OR9Q1: variants seen among roughly 807,000 people sequenced by gnomAD.
OR9Q1 encodes the protein olfactory receptor family 9 subfamily Q member 1.
For synonymous variants in OR9Q1, 153 were observed against 148.6 expected (o/e 1.03, Z -0.22); for missense variants, 374 against 378.8 (o/e 0.99, Z 0.11).
chr11:58,174,748 G>A (rs1178518095), intron 2 of OR9Q1, among the ~76,000 whole-genome samples: 1 of 150,798 alleles, frequency 6.6e-6, no homozygotes, highest in Non-Finnish European at 1.5e-5. Flanking sequence ...GTATCTTAAA[G>A]GATATCTTCA....
chr11:58,151,247 A>G (rs1194342499), intron 2 of OR9Q1, among the ~76,000 whole-genome samples: 4 of 152,316 alleles, frequency 2.6e-5, no homozygotes, highest in African/African-American at 9.6e-5. Flanking sequence ...ATTAAGAGAA[A>G]AGAGCTCTCA....
Position 58,112,390 on chromosome 11 carries a change from A to G in OR9Q1, c.-15+56443A>G, listed in dbSNP as rs567872010. Among the ~76,000 whole-genome samples the G allele has an allele frequency of 2.6e-5, 4 of 152,274 alleles. No homozygotes were observed. The East Asian group carries it at 7.7e-4, about 29-fold the overall frequency. On this transcript the variant is annotated intron_variant, in intron 2 of 2. Coordinates refer to ENST00000335397, the MANE Select transcript of OR9Q1 (RefSeq NM_001005212.4). ...GGAACTAAATAAACCACAGATTCAG[A>G]TTTCTAAATAATCATATGCTTTACA... is the stretch of plus-strand genomic sequence containing the variant.
chr11:58,053,133 T>C lies in OR9Q1; in HGVS notation c.-92-2737T>C, dbSNP rs1212498588. ...CAAAGGACTATAAATCATGCTGCTA[T>C]AAAGACACATGCACACGTATGCTAT... is the stretch of plus-strand genomic sequence containing the variant. On this transcript the variant is annotated intron_variant, in intron 1 of 2. Transcript: ENST00000335397. 2.0e-5 allele frequency among the ~76,000 whole-genome samples: 3 copies of C among 151,792 alleles called. No homozygotes were observed. In the East Asian group the frequency reaches 5.8e-4, roughly 30 times the overall value.
intron 2 of OR9Q1, among the ~76,000 whole-genome samples, chr11:58,126,443 CAA>C (rs1472458517): frequency 6.6e-6 from 1 of 152,160 alleles, no homozygotes; most frequent in Non-Finnish European, 1.5e-5. Flanking sequence ...GAAGAAATCT[CAA>C]AGAGGCCATG....
chr11:58,165,687 T>C (rs1387726513), intron 2 of OR9Q1, among the ~76,000 whole-genome samples: 2 of 152,312 alleles, frequency 1.3e-5, no homozygotes, highest in Admixed American at 6.5e-5. Flanking sequence ...CGTTGGACAG[T>C]AAATGAGTAT....
chr11:58,103,200 T>G (rs1026533828), intron 2 of OR9Q1, among the ~76,000 whole-genome samples: 1 of 152,068 alleles, frequency 6.6e-6, no homozygotes, highest in Admixed American at 6.6e-5. Flanking sequence ...CTGCTTCACA[T>G]GGCGGCAGCA....
At chr11:58,116,976 G>A (rs544629733) in intron 2 of OR9Q1, 6 of 152,094 alleles carry the variant, frequency 3.9e-5, no homozygotes, top group South Asian at 2.1e-4. Flanking sequence ...GTAAGTACTC[G>A]TTTGTTTTAT....
intron 2 of OR9Q1, among the ~76,000 whole-genome samples, chr11:58,138,427 T>C (rs1854209606): frequency 6.6e-6 from 1 of 152,214 alleles, no homozygotes; most frequent in South Asian, 2.1e-4. Context: ...AAAGTAGGAA[T>C]AAATTAAATT....
chr11:58,147,890 C>T (rs759157842), intron 2 of OR9Q1, among the ~76,000 whole-genome samples: 45 of 152,166 alleles, frequency 3.0e-4, no homozygotes, highest in Non-Finnish European at 3.2e-4. Context: ...AGATTCTACA[C>T]ATATTCTCTT....
At chr11:58,118,326 T>C (rs1210662211) in intron 2 of OR9Q1, 9 of 557,460 alleles carry the variant, frequency 1.6e-5, no homozygotes, top group Non-Finnish European at 2.5e-5. Flanking sequence ...AGAAAGAACA[T>C]GGAATTGCTG....
rs149512166 is a variant in OR9Q1 at position 58,118,970 on chromosome 11, G to A, written c.-14-60461G>A. Reference sequence around the variant, plus strand: ...GAGAGGGTGAAGGTGCAAGTGGTACGCAGGATGGCTCCTGACACCCCACAG... The same window carrying A: ...GAGAGGGTGAAGGTGCAAGTGGTACACAGGATGGCTCCTGACACCCCACAG... On this transcript the variant is annotated intron_variant, in intron 2 of 2. Coordinates refer to ENST00000335397, the MANE Select transcript of OR9Q1 (RefSeq NM_001005212.4). 7,148 of 1,613,880 alleles carry A rather than the reference G, an allele frequency of 4.4e-3. 22 individuals are homozygous for A. The highest frequency in any genetic ancestry group is 5.4e-3 in the Non-Finnish European group (6,383 of 1,179,952).
At chr11:58,110,382 C>G (rs965197716) in intron 2 of OR9Q1, among the ~76,000 whole-genome samples, 1 of 152,144 alleles carries the variant, frequency 6.6e-6, no homozygotes, top group Non-Finnish European at 1.5e-5. Context: ...TTTTTGCTCT[C>G]CTATGAACTA....
intron 2 of OR9Q1, among the ~76,000 whole-genome samples, chr11:58,070,847 C>T (rs966795760): frequency 1.9e-4 from 29 of 152,192 alleles, no homozygotes; most frequent in Non-Finnish European, 3.4e-4. Context: ...TGTTTGTCCT[C>T]TGGGCCTCTT....
chr11:58,122,558 A>C (rs1222925866), intron 2 of OR9Q1, among the ~76,000 whole-genome samples: 1 of 152,226 alleles, frequency 6.6e-6, no homozygotes, highest in Admixed American at 6.5e-5. Flanking sequence ...TACTGAGTAT[A>C]TAAAGCAATG....
intron 2 of OR9Q1, among the ~76,000 whole-genome samples, chr11:58,066,201 C>A (rs1427829620): frequency 6.6e-6 from 1 of 151,426 alleles, no homozygotes; most frequent in Non-Finnish European, 1.5e-5. Flanking sequence ...TGGAACTTGA[C>A]TTCTGTCTGG....
intron 2 of OR9Q1, among the ~76,000 whole-genome samples, chr11:58,071,457 C>T (rs1853486973): frequency 6.6e-6 from 1 of 151,892 alleles, no homozygotes; most frequent in East Asian, 1.9e-4. Flanking sequence ...CACTGCACTC[C>T]AGCCTGGAAG....
intron 2 of OR9Q1, among the ~76,000 whole-genome samples, chr11:58,088,461 C>A (rs1029248302): frequency 1.3e-5 from 2 of 151,916 alleles, no homozygotes; most frequent in Non-Finnish European, 2.9e-5. Context: ...ATTCCTATTT[C>A]TCCACAGCCT....
intron 1 of OR9Q1, among the ~76,000 whole-genome samples, chr11:58,054,741 T>C (rs967887025): frequency 6.6e-6 from 1 of 152,018 alleles, no homozygotes; most frequent in African/African-American, 2.4e-5. Flanking sequence ...CTGGGCAACA[T>C]GGTAAAACCC....
At chr11:58,080,034 C>T (rs1407853620) in intron 2 of OR9Q1, among the ~76,000 whole-genome samples, 1 of 152,074 alleles carries the variant, frequency 6.6e-6, no homozygotes, top group Non-Finnish European at 1.5e-5. Context: ...AAAATGTCAA[C>T]TTTTATTTTA....
Sources: allele counts gnomAD v4.1 joint callset (sites outside exome capture counted in the v4.1 genomes callset), GRCh38; gene constraint gnomAD v4.1.1; transcripts MANE v1.5; gene names NCBI Gene and HGNC (gene_info 2026-07-23, HGNC 2026-07-21).